FUBP3: variants seen among roughly 807,000 people sequenced by gnomAD.
The protein encoded by FUBP3 is far upstream element-binding protein 3.
In FUBP3, 28 loss-of-function variants were observed where a neutral mutation model predicts 85.6. The ratio of observed to expected loss-of-function variants is 0.33; its 90% CI spans 0.24 to 0.45. FUBP3 has a LOEUF of 0.45. Ranked by LOEUF, FUBP3 falls within the 20% of genes least tolerant of loss-of-function variation. The pLI is 1.00. For missense variants in FUBP3, 583 were observed against 755.1 expected (o/e 0.77, Z 2.67); for synonymous variants, 271 against 271.4 (o/e 1.00, Z 0.01).
rs555969270 is a variant in FUBP3, at chr9:130,637,338, G to C, written c.*316G>C. On this transcript the variant is annotated 3_prime_UTR_variant, in exon 19 of 19. Coordinates refer to ENST00000319725, the MANE Select transcript of FUBP3 (RefSeq NM_003934.2). ...ATTTCAACATGATGGTTTTGGTTTG[G>C]TTTGGTTTTGTGTCCTTTTTATTTG... 6.0e-6 allele frequency: 2 copies of C among 330,594 alleles called. No individual in the cohort carries two copies. Among genetic ancestry groups the C allele is most frequent in the Non-Finnish European group, 1.1e-5 (2 of 177,206 alleles). 20.5% of individuals were successfully genotyped at this position (330,594 alleles called of 1,614,324 possible). A position where few individuals can be genotyped will look rare whatever the true frequency, so the allele number is the denominator to read the frequency against.
chr9:130,613,221 C>G (rs965195940), intron 5 of FUBP3, among the ~76,000 whole-genome samples, 194 bp downstream of exon 5: 7 of 152,240 alleles, frequency 4.6e-5, no homozygotes, highest in African/African-American at 1.7e-4. Flanking sequence ...GGCCTCCTAT[C>G]TGGCTTCTGG....
intron 2 of FUBP3, among the ~76,000 whole-genome samples, chr9:130,595,819 C>T (rs2119028000): frequency 6.6e-6 from 1 of 152,262 alleles, no homozygotes; most frequent in East Asian, 1.9e-4. Flanking sequence ...AGACTTGGCC[C>T]CTGAGCATCA....
intron 3 of FUBP3, among the ~76,000 whole-genome samples, chr9:130,611,805 T>TA (rs56793322): frequency 0.051 from 7,386 of 144,830 alleles, 426 homozygotes; most frequent in African/African-American, 0.14. Flanking sequence ...AGTAGTAGTT[T>TA]AAAAAAAAAA....
chr9:130,606,615 G>A (rs1341866601), intron 2 of FUBP3, among the ~76,000 whole-genome samples: 5 of 152,194 alleles, frequency 3.3e-5, no homozygotes, highest in African/African-American at 9.7e-5. Context: ...GAGGTCGGGA[G>A]TTCGAGACCA....
intron 1 of FUBP3, among the ~76,000 whole-genome samples, chr9:130,584,381 A>G (rs1830257302): frequency 6.6e-6 from 1 of 151,940 alleles, no homozygotes; most frequent in South Asian, 2.1e-4. Context: ...TACAAAAATT[A>G]GCTGGGTGTG....
chr9:130,609,957 G>A lies in FUBP3; in HGVS notation c.194G>A (p.Gly65Asp). The A allele has an allele frequency of 6.2e-7, 1 of 1,608,260 alleles. No homozygotes were observed. The highest frequency in any genetic ancestry group is 8.5e-7 in the Non-Finnish European group (1 of 1,175,436). ...TTTCTCTTTCTCTTTGCCACAGTAG[G>A]TAACCAGTTAGGGGCCTTGGTACAT... ...VQKRPLDDGV[G>D]NQLGALVHQR... Residue 65 changes from glycine (G) to aspartate (D), a missense_variant, in exon 3 of 19, where the codon GGT becomes GAT. Transcript: ENST00000319725.
At chr9:130,617,085 C>T (rs529527783) in intron 7 of FUBP3, among the ~76,000 whole-genome samples, 4 of 152,270 alleles carry the variant, frequency 2.6e-5, no homozygotes, top group South Asian at 2.1e-4. Context: ...CGGGACCAAA[C>T]GGGTTTCAGA....
intron 2 of FUBP3, among the ~76,000 whole-genome samples, chr9:130,607,276 C>CT (rs1210187137): frequency 6.6e-6 from 1 of 151,530 alleles, no homozygotes; most frequent in Non-Finnish European, 1.5e-5. Flanking sequence ...CTGACCTGAC[C>CT]TCCTTTTTTT....
Position 130,603,999 on chromosome 9 carries a change from A to G in FUBP3, c.191-5955A>G, listed in dbSNP as rs540744317. ...CTGAAAACAGCCCACGTGTCCTTCA[A>G]CTGATGAATGGTTCTGCTTGCGATA... On this transcript the variant is annotated intron_variant, in intron 2 of 18. Transcript: ENST00000319725. 1.6e-4 allele frequency among the ~76,000 whole-genome samples: 24 copies of G among 152,294 alleles called. No homozygotes were observed. The East Asian group carries it at 3.5e-3, about 22-fold the overall frequency.
At position 130,579,639 on chromosome 9, in the gene FUBP3, T is replaced by TCGGCGGCGTCGGCGG; in HGVS notation, c.-33_-19dup. The TCGGCGGCGTCGGCGG allele has an allele frequency of 4.3e-6, 5 of 1,159,744 alleles. No individual in the cohort carries two copies. Among genetic ancestry groups the TCGGCGGCGTCGGCGG allele is most frequent in the Middle Eastern group, 3.2e-4 (1 of 3,106 alleles). The allele number at this position is 1,159,744 out of a possible 1,614,324, so 71.8% of individuals were successfully genotyped here. A position where few individuals can be genotyped will look rare whatever the true frequency, so the allele number is the denominator to read the frequency against. On this transcript the variant is annotated 5_prime_UTR_variant, in exon 1 of 19. Coordinates refer to ENST00000319725, the MANE Select transcript of FUBP3 (RefSeq NM_003934.2). ...CGGACCGGGGAGCCGAGCGGCGGCG[T>TCGGCGGCGTCGGCGG]CGGCGGCGTCGGCGGCGGCGGCGAC...
chr9:130,593,492 T>A (rs1830723504), intron 1 of FUBP3, among the ~76,000 whole-genome samples: 1 of 152,188 alleles, frequency 6.6e-6, no homozygotes, highest in African/African-American at 2.4e-5. Flanking sequence ...AACTATGAAA[T>A]ATATGGTATT....
chr9:130,634,982 C>T (rs543589245), intron 17 of FUBP3, among the ~76,000 whole-genome samples: 72 of 152,298 alleles, frequency 4.7e-4, no homozygotes, highest in South Asian at 6.2e-4. Context: ...TTATTCTCCC[C>T]GTGCTGGGCT....
Position 130,624,435 on chromosome 9 carries a change from C to T in FUBP3, c.975+724C>T, listed in dbSNP as rs565108265. The stretch of plus-strand genomic sequence containing the variant: ...CCCAGATCTACTGAATCAGCATTTC[C>T]AAGGGAGGGTCTTGGGTCTTCACTA... On this transcript the variant is annotated intron_variant, in intron 11 of 18. Coordinates refer to ENST00000319725, the MANE Select transcript of FUBP3 (RefSeq NM_003934.2). 1.2e-3 allele frequency among the ~76,000 whole-genome samples: 181 copies of T among 152,240 alleles called. 2 individuals carry two copies. The highest frequency in any genetic ancestry group is 6.8e-3 in the Middle Eastern group (2 of 294).
At chr9:130,636,476 G>A (rs1489760373) in intron 18 of FUBP3, among the ~76,000 whole-genome samples, 2 of 152,246 alleles carry the variant, frequency 1.3e-5, no homozygotes, top group African/African-American at 4.8e-5. Flanking sequence ...AGTGCAGAGG[G>A]TGCGCTCCGG....
At chr9:130,629,753 A>C (rs1257064852) in intron 12 of FUBP3, among the ~76,000 whole-genome samples, 1 of 152,146 alleles carries the variant, frequency 6.6e-6, no homozygotes, top group African/African-American at 2.4e-5. Context: ...GCCCTATACC[A>C]GCTTTGGAGC....
Position 130,631,567 on chromosome 9 carries a change from T to C in FUBP3, c.1289T>C (p.Leu430Pro), listed in dbSNP as rs1588166740. Residue 430 changes from leucine (L) to proline (P), a missense_variant, in exon 14 of 19, where the codon CTC (leucine) becomes CCC (proline). Physicochemically the swap from Leu to Pro is moderately conservative, Grantham distance 98. This residue lies in a region of FUBP3 where 404 missense variants were observed against 516.8 expected (regional missense o/e 0.78). Coordinates refer to ENST00000319725, the MANE Select transcript of FUBP3 (RefSeq NM_003934.2). ...TCTGTGCCCCCACAGGGGACCAATCTCGGAGCACCTGGAGCCTTCGGACAG... is the reference window on the plus strand; with the variant it reads ...TCTGTGCCCCCACAGGGGACCAATCCCGGAGCACCTGGAGCCTTCGGACAG... ...LIDEKVGGTN[L>P]GAPGAFGQSP... 3 of 1,613,814 alleles carry C rather than the reference T, an allele frequency of 1.9e-6. No individual in the cohort carries two copies. The highest frequency in any genetic ancestry group is 1.7e-5 in the Admixed American group (1 of 60,024).
rs749146763 is a variant in FUBP3 at position 130,630,607 on chromosome 9, C to T, written c.1118-21C>T. 1.5e-5 allele frequency: 23 copies of T among 1,564,294 alleles called. 1 individual carries two copies. The South Asian group carries it at 2.4e-4, about 17-fold the overall frequency. The stretch of plus-strand genomic sequence containing the variant: ...GCCGCAGTCTCTGCTTACTCTTCTG[C>T]CTGTGTTGTGCTGTCCGCAGGGGGT... On this transcript the variant is annotated intron_variant, in intron 12 of 18. Transcript: ENST00000319725.
chr9:130,588,077 C>T (rs1830430332), intron 1 of FUBP3, among the ~76,000 whole-genome samples: 1 of 152,126 alleles, frequency 6.6e-6, no homozygotes, highest in Non-Finnish European at 1.5e-5. Flanking sequence ...TCTCATTCAT[C>T]GAGCCCATGT....
At chr9:130,607,980 C>T (rs1383156202) in intron 2 of FUBP3, among the ~76,000 whole-genome samples, 1 of 152,216 alleles carries the variant, frequency 6.6e-6, no homozygotes, top group African/African-American at 2.4e-5. Flanking sequence ...ATGTGCGTGG[C>T]ACCTGTAACA....
Sources: allele counts gnomAD v4.1 joint callset (sites outside exome capture counted in the v4.1 genomes callset), GRCh38; gene constraint gnomAD v4.1.1; regional missense constraint gnomAD v4.1.1; transcripts MANE v1.5; gene names NCBI Gene and HGNC (gene_info 2026-07-23, HGNC 2026-07-21).